The following TMPRSS11E variants were observed in gnomAD, a reference collection of about 807,000 sequenced individuals.
The protein encoded by TMPRSS11E is transmembrane protease serine 11E.
TMPRSS11E carries 38 observed loss-of-function variants against 48.1 expected under a neutral mutation model. That is an observed-to-expected ratio of 0.79 (90% confidence interval 0.61 to 1.04). The LOEUF is 1.04. Among genes scored for constraint, TMPRSS11E ranks in the 50% least tolerant of loss-of-function variants. TMPRSS11E has a pLI of 0.00. For missense variants in TMPRSS11E, 530 were observed against 510.8 expected (o/e 1.04, Z -0.36); for synonymous variants, 158 against 171.9 (o/e 0.92, Z 0.63).
At chr4:68,449,002 G>T (rs1276352592) in intron 1 of TMPRSS11E, among the ~76,000 whole-genome samples, 1 of 151,712 alleles carries the variant, frequency 6.6e-6, no homozygotes, top group Non-Finnish European at 1.5e-5. Flanking sequence ...TAAGGTCATT[G>T]GTTTTAACTC....
chr4:68,471,124 A>T (rs1729051949), intron 4 of TMPRSS11E, among the ~76,000 whole-genome samples: 1 of 151,948 alleles, frequency 6.6e-6, no homozygotes, highest in Non-Finnish European at 1.5e-5. Flanking sequence ...CACATAGTAA[A>T]CAGTAGCAAT....
chr4:68,495,611 CTATTA>C (rs1560563261), intron 9 of TMPRSS11E, among the ~76,000 whole-genome samples: 1 of 151,980 alleles, frequency 6.6e-6, no homozygotes, highest in African/African-American at 2.4e-5. Flanking sequence ...TTCAAATTTA[CTATTA>C]TATTAGTTAA....
intron 3 of TMPRSS11E, among the ~76,000 whole-genome samples, chr4:68,467,773 G>A (rs1373677491): frequency 6.6e-6 from 1 of 152,070 alleles, no homozygotes; most frequent in African/African-American, 2.4e-5. Context: ...CACCAAATCA[G>A]GGAAATATTT....
chr4:68,466,586 A>G, intron 2 of TMPRSS11E, 45 bp from the exon 3 acceptor site: 1 of 1,603,246 alleles, frequency 6.2e-7, no homozygotes, highest in Non-Finnish European at 8.5e-7. Flanking sequence ...TGCTTTACAC[A>G]CATCTGATAA....
At chr4:68,478,149 C>CTTTTTTTTT (rs141071822) in intron 8 of TMPRSS11E, among the ~76,000 whole-genome samples, 4 of 134,236 alleles carry the variant, frequency 3.0e-5, no homozygotes, top group Non-Finnish European at 3.1e-5. Context: ...GTATCACTAT[C>CTTTTTTTTT]TTTTTTTTTT....
chr4:68,496,464 T>C (rs1160495795), intron 9 of TMPRSS11E, among the ~76,000 whole-genome samples, 179 bp from the exon 10 acceptor site: 3 of 152,204 alleles, frequency 2.0e-5, no homozygotes, highest in African/African-American at 7.2e-5. Context: ...GTTTTCAAGG[T>C]ATTGGAGGTC....
At chr4:68,477,689 A>T (rs1330671516) in intron 8 of TMPRSS11E, 61 bp downstream of exon 8, 2 of 1,571,102 alleles carry the variant, frequency 1.3e-6, no homozygotes, top group East Asian at 4.5e-5. Context: ...CATTTAAGCA[A>T]TGAAATGCCA....
intron 9 of TMPRSS11E, among the ~76,000 whole-genome samples, chr4:68,484,061 C>T (rs986834391): frequency 6.6e-6 from 1 of 152,092 alleles, no homozygotes; most frequent in Non-Finnish European, 1.5e-5. Context: ...AGTTTGAAGT[C>T]TGGTAGTGTG....
chr4:68,470,384 A>G (rs1218436073), intron 4 of TMPRSS11E, among the ~76,000 whole-genome samples: 1 of 151,830 alleles, frequency 6.6e-6, no homozygotes, highest in Non-Finnish European at 1.5e-5. Flanking sequence ...TGTGGTCGGC[A>G]TTGACAAATA....
At chr4:68,450,131 T>C (rs1280423223) in intron 1 of TMPRSS11E, among the ~76,000 whole-genome samples, 1 of 151,740 alleles carries the variant, frequency 6.6e-6, no homozygotes, top group Non-Finnish European at 1.5e-5. Context: ...AGGCCCAGAG[T>C]TGCTATATGG....
In TMPRSS11E at chr4:68,495,288, C is replaced by A. The variant is rs1729835426; in HGVS notation, c.1111-1355C>A. Among the ~76,000 whole-genome samples the A allele has an allele frequency of 4.6e-5, 7 of 151,920 alleles. No individual in the cohort carries two copies. In the South Asian group the frequency reaches 1.5e-3, roughly 32 times the overall value. ...TTATTTACTATTTGTATACTGCTAT[C>A]TCTTTAAAATAATTATTTATTCTCG... On this transcript the variant is annotated intron_variant, in intron 9 of 9. Coordinates refer to ENST00000305363, the MANE Select transcript of TMPRSS11E (RefSeq NM_014058.4).
intron 5 of TMPRSS11E, among the ~76,000 whole-genome samples, chr4:68,473,989 T>C (rs1392225964): frequency 6.6e-6 from 1 of 152,050 alleles, no homozygotes; most frequent in African/African-American, 2.4e-5. Flanking sequence ...TTTTTGCATT[T>C]AGAGCATCCA....
chr4:68,471,034 T>C (rs1729049654), intron 4 of TMPRSS11E, among the ~76,000 whole-genome samples: 1 of 151,906 alleles, frequency 6.6e-6, no homozygotes, highest in African/African-American at 2.4e-5. Flanking sequence ...AATAGCCATA[T>C]ACTTAACTAG....
chr4:68,461,690 T>G (rs1728794074), intron 1 of TMPRSS11E, 131 bp from the exon 2 acceptor site: 4 of 1,378,686 alleles, frequency 2.9e-6, no homozygotes, highest in Non-Finnish European at 2.0e-6. Context: ...GGAACCAGGG[T>G]GTGCTCTAAA....
At chr4:68,478,711 TC>T in intron 8 of TMPRSS11E, 137 bp from the exon 9 acceptor site, 1 of 878,574 alleles carries the variant, frequency 1.1e-6, no homozygotes, top group Non-Finnish European at 1.8e-6. Flanking sequence ...AATCTCGGCC[TC>T]TCAAAGTGCT....
intron 2 of TMPRSS11E, among the ~76,000 whole-genome samples, 196 bp downstream of exon 2, chr4:68,462,141 A>G (rs1728807761): frequency 6.6e-6 from 1 of 152,144 alleles, no homozygotes; most frequent in Non-Finnish European, 1.5e-5. Flanking sequence ...TCTTTGATGT[A>G]GTGATGCTTT....
At chr4:68,455,985 T>G (rs945962792) in intron 1 of TMPRSS11E, among the ~76,000 whole-genome samples, 4 of 151,956 alleles carry the variant, frequency 2.6e-5, no homozygotes, top group Non-Finnish European at 4.4e-5. Context: ...TATCTGTATG[T>G]AGTTGCAAAT....
intron 5 of TMPRSS11E, 28 bp from the exon 6 acceptor site, chr4:68,474,695 C>T (rs762064373): frequency 9.3e-6 from 15 of 1,604,580 alleles, no homozygotes; most frequent in Non-Finnish European, 1.3e-5. Flanking sequence ...GATGTGCTGA[C>T]CCTATTTGCC....
Position 68,461,801 on chromosome 4 carries a change from CTATT to C in TMPRSS11E, c.12-14_12-11del. On this transcript the variant is annotated splice_polypyrimidine_tract_variant and intron_variant, in intron 1 of 9. Transcript: ENST00000305363. Reference sequence around the variant, plus strand: ...TGTTGCATGCTCTGAAATAATCTATCTATTTATTTTCTTCCTTAGGCCAGATGTG... The same window carrying C: ...TGTTGCATGCTCTGAAATAATCTATCTATTTTCTTCCTTAGGCCAGATGTG... 6.2e-7 allele frequency: 1 copy of C among 1,613,928 alleles called. No individual in the cohort carries two copies. The highest frequency in any genetic ancestry group is 8.5e-7 in the Non-Finnish European group (1 of 1,179,884).
Sources: allele counts gnomAD v4.1 joint callset (sites outside exome capture counted in the v4.1 genomes callset), GRCh38; gene constraint gnomAD v4.1.1; transcripts MANE v1.5; gene names NCBI Gene and HGNC (gene_info 2026-07-23, HGNC 2026-07-21).